Variants in NFATC2 observed in about 807,000 individuals in gnomAD.
The protein encoded by NFATC2 is nuclear factor of activated T cells 2.
Under a neutral mutation model 87.3 loss-of-function variants are expected in NFATC2, and 22 were observed. The ratio of observed to expected loss-of-function variants is 0.25; its 90% CI spans 0.18 to 0.36. NFATC2 has a LOEUF of 0.36. NFATC2 is among the 10% of genes least tolerant of loss of function. NFATC2 has a pLI of 1.00. For missense variants in NFATC2, 1,149 were observed against 1,259.1 expected (o/e 0.91, Z 1.32); for synonymous variants, 565 against 542.2 (o/e 1.04, Z -0.58).
rs889517549 is a variant in NFATC2, at chr20:51,389,865, G to T, written c.*1631C>A. ...TTCTGAGGCCTTCTGCCTACAGACT[G>T]TACAGACTGGACTGAGAAAACACTC... On this transcript the variant is annotated 3_prime_UTR_variant, in exon 11 of 11. Transcript: ENST00000371564. The T allele has an allele frequency of 6.6e-6, 1 of 150,690 alleles. No individual in the cohort carries two copies. The highest frequency in any genetic ancestry group is 2.5e-5 in the African/African-American group (1 of 40,064). 9.3% of individuals were successfully genotyped at this position (150,690 alleles called of 1,614,324 possible). A position where few individuals can be genotyped will look rare whatever the true frequency, so the allele number is the denominator to read the frequency against.
chr20:51,493,498 CCA>C (rs2146594970), intron 3 of NFATC2, among the ~76,000 whole-genome samples: 1 of 152,226 alleles, frequency 6.6e-6, no homozygotes, highest in African/African-American at 2.4e-5. Flanking sequence ...AGGGAATGTC[CCA>C]GACTGACACA....
chr20:51,533,198 C>T lies in NFATC2; in HGVS notation c.131-9088G>A, dbSNP rs545926126. Among the ~76,000 whole-genome samples the T allele has an allele frequency of 8.9e-4, 135 of 152,310 alleles. 1 individual carries two copies. Among genetic ancestry groups the T allele is most frequent in the African/African-American group, 2.9e-3 (121 of 41,556 alleles). ...TCATAACTTCCTGCCCATCAGGGGCCACAAAGAATCCCAAAACAGAGCAGG... is the reference window on the plus strand; with the variant it reads ...TCATAACTTCCTGCCCATCAGGGGCTACAAAGAATCCCAAAACAGAGCAGG... On this transcript the variant is annotated intron_variant, in intron 1 of 10. Transcript: ENST00000371564.
At chr20:51,426,899 T>G (rs1981917705) in intron 9 of NFATC2, among the ~76,000 whole-genome samples, 1 of 152,066 alleles carries the variant, frequency 6.6e-6, no homozygotes, top group South Asian at 2.1e-4. Context: ...GTGCACATAA[T>G]TAAGCACTTT....
At chr20:51,478,221 A>G (rs1425820772) in intron 3 of NFATC2, among the ~76,000 whole-genome samples, 1 of 152,240 alleles carries the variant, frequency 6.6e-6, no homozygotes, top group Admixed American at 6.5e-5. Context: ...TTATCTGAAG[A>G]ACAGCTACTG....
chr20:51,418,697 C>G (rs1980411352), intron 9 of NFATC2, among the ~76,000 whole-genome samples: 1 of 135,516 alleles, frequency 7.4e-6, no homozygotes, highest in African/African-American at 2.9e-5. Context: ...GAGTCTCGCT[C>G]TGTCCCCCAG....
chr20:51,422,128 A>G (rs1482935759), intron 9 of NFATC2, among the ~76,000 whole-genome samples: 1 of 152,070 alleles, frequency 6.6e-6, no homozygotes, highest in Non-Finnish European at 1.5e-5. Context: ...TTCAGATGAA[A>G]CCTATTTGTT....
chr20:51,465,473 G>C (rs959383910), intron 5 of NFATC2, among the ~76,000 whole-genome samples: 5 of 152,082 alleles, frequency 3.3e-5, no homozygotes, highest in African/African-American at 9.7e-5. Flanking sequence ...GAATCCCCCA[G>C]CTTGGGCTCA....
chr20:51,474,481 T>C (rs1988523758), intron 4 of NFATC2, among the ~76,000 whole-genome samples: 1 of 152,206 alleles, frequency 6.6e-6, no homozygotes, highest in African/African-American at 2.4e-5. Context: ...TGAAATCTCT[T>C]GAATTGAATA....
rs1987602494 is a variant in NFATC2 at position 51,398,662 on chromosome 20, G to T, written c.*25C>A. ...GATTACCTTTAACTTTGATTTCTCG[G>T]ATCAAAGATCACAGTCATTCTGTTT... On this transcript the variant is annotated 3_prime_UTR_variant, in exon 10 of 11. Coordinates refer to ENST00000371564, the MANE Select transcript of NFATC2 (RefSeq NM_012340.5). 8 of 1,608,864 alleles carry T rather than the reference G, an allele frequency of 5.0e-6. No individual in the cohort carries two copies. Among genetic ancestry groups the T allele is most frequent in the Non-Finnish European group, 5.1e-6 (6 of 1,176,546 alleles).
intron 10 of NFATC2, 104 bp from the exon 11 acceptor site, chr20:51,391,555 AT>A (rs1986351031): frequency 8.1e-7 from 1 of 1,233,418 alleles, no homozygotes; most frequent in Non-Finnish European, 1.2e-6. Flanking sequence ...TGGGCTATTG[AT>A]TTTTGAGACA....
At position 51,387,141 on chromosome 20, in the gene NFATC2, T is replaced by G. The variant is rs1882908313; in HGVS notation, c.*4355A>C. 6.6e-6 allele frequency: 1 copy of G among 152,216 alleles called. No homozygotes were observed. The highest frequency in any genetic ancestry group is 1.5e-5 in the Non-Finnish European group (1 of 68,040). The allele number at this position is 152,216 out of a possible 1,614,324, so 9.4% of individuals were successfully genotyped here. ...AAACCTAAGCCTGCCAGCACCACCATGTTGGAGAGACCTGTTTGTTGGAGA... is the reference window on the plus strand; with the variant it reads ...AAACCTAAGCCTGCCAGCACCACCAGGTTGGAGAGACCTGTTTGTTGGAGA... On this transcript the variant is annotated 3_prime_UTR_variant, in exon 11 of 11. Coordinates refer to ENST00000371564, the MANE Select transcript of NFATC2 (RefSeq NM_012340.5).
chr20:51,396,977 A>C (rs1987249833), intron 10 of NFATC2, among the ~76,000 whole-genome samples: 1 of 151,858 alleles, frequency 6.6e-6, no homozygotes, highest in Admixed American at 6.6e-5. Flanking sequence ...CAGTGGCGCC[A>C]TCTCGGCTCA....
At chr20:51,543,861 A>G (rs983877374), upstream of NFATC2, among the ~76,000 whole-genome samples, 5 of 152,154 alleles carry the variant, frequency 3.3e-5, no homozygotes, top group African/African-American at 1.2e-4. Context: ...TCACAGAGGT[A>G]GAAAAGATCA....
At chr20:51,436,334 T>C (rs1039372824) in intron 6 of NFATC2, among the ~76,000 whole-genome samples, 1 of 150,250 alleles carries the variant, frequency 6.7e-6, no homozygotes. Context: ...AGAAAAAAAA[T>C]AGAAACTGTC....
intron 9 of NFATC2, among the ~76,000 whole-genome samples, chr20:51,406,104 G>T (rs1988538801): frequency 6.6e-6 from 1 of 152,112 alleles, no homozygotes; most frequent in Admixed American, 6.5e-5. Context: ...AATCCTCACG[G>T]TCATCCCATG....
In NFATC2 at chr20:51,480,561, C is replaced by G. The variant is rs1989166875; in HGVS notation, c.1333-4901G>C. Among the ~76,000 whole-genome samples the G allele has an allele frequency of 6.6e-6, 1 of 152,150 alleles. No individual in the cohort carries two copies. The highest frequency in any genetic ancestry group is 2.1e-4 in the South Asian group (1 of 4,828). ...TGGTGAGGGTCCCTTCCCCGCCTCCCCGGGTAACACCAGAAAGCAGTGTGG... is the reference window on the plus strand; with the variant it reads ...TGGTGAGGGTCCCTTCCCCGCCTCCGCGGGTAACACCAGAAAGCAGTGTGG... On this transcript the variant is annotated intron_variant, in intron 3 of 10. Coordinates refer to ENST00000371564, the MANE Select transcript of NFATC2 (RefSeq NM_012340.5). This position sits in a 1 kb window ranked among gnomAD's most constrained non-coding sequence, Gnocchi z 4.2.
chr20:51,463,201 GTTCCCTGGGTC>G (rs1279837941), intron 5 of NFATC2, among the ~76,000 whole-genome samples: 2 of 152,228 alleles, frequency 1.3e-5, no homozygotes, highest in Non-Finnish European at 1.5e-5. Context: ...CACTCTGGCT[GTTCCCTGGGTC>G]TTCCCTGGGA....
At chr20:51,442,423 C>T (rs1054308009) in intron 6 of NFATC2, among the ~76,000 whole-genome samples, 1 of 151,980 alleles carries the variant, frequency 6.6e-6, no homozygotes, top group Non-Finnish European at 1.5e-5. Context: ...CAAAGTGAGC[C>T]TCTGCCTCAA....
intron 9 of NFATC2, among the ~76,000 whole-genome samples, chr20:51,402,905 T>C (rs1317216700): frequency 1.3e-5 from 2 of 152,210 alleles, no homozygotes; most frequent in African/African-American, 4.8e-5. Context: ...CCCTGATTCT[T>C]AGAAAGAATT....
Sources: gnomAD v4.1 joint callset for allele counts (sites outside exome capture counted in the v4.1 genomes callset) on GRCh38, gnomAD v4.1.1 for gene constraint, Gnocchi (gnomAD v3.1) non-coding constraint, MANE v1.5 for transcripts, NCBI Gene and HGNC (gene_info 2026-07-23, HGNC 2026-07-21) for gene names.